Variants in DGKB observed in about 807,000 individuals in gnomAD.
The protein encoded by DGKB is diacylglycerol kinase beta.
Under a neutral mutation model 114.3 loss-of-function variants are expected in DGKB, and 67 were observed. The ratio of observed to expected loss-of-function variants is 0.59; its 90% CI spans 0.48 to 0.72. The LOEUF is 0.72. Among genes scored for constraint, DGKB ranks in the 30% least tolerant of loss-of-function variants. DGKB has a pLI of 0.00. For missense variants in DGKB, 907 were observed against 975.2 expected (o/e 0.93, Z 0.93); for synonymous variants, 398 against 323.1 (o/e 1.23, Z -2.49).
At chr7:14,806,028 A>G (rs2128063647) in intron 2 of DGKB, among the ~76,000 whole-genome samples, 1 of 151,892 alleles carries the variant, frequency 6.6e-6, no homozygotes, top group Admixed American at 6.6e-5. Context: ...GGATATTAAG[A>G]TTACAGTTCC....
At chr7:14,923,289 A>G (rs889989836) in intron 1 of DGKB, among the ~76,000 whole-genome samples, 6 of 152,026 alleles carry the variant, frequency 3.9e-5, no homozygotes, top group Non-Finnish European at 7.4e-5. Flanking sequence ...CAGGTGTTAT[A>G]TCTTCAGTTA....
chr7:14,667,198 G>C (rs1428439291), intron 13 of DGKB, among the ~76,000 whole-genome samples: 1 of 151,942 alleles, frequency 6.6e-6, no homozygotes, highest in Admixed American at 6.6e-5. Flanking sequence ...GGGAGGAATG[G>C]GAAGGCTGAG....
intron 21 of DGKB, among the ~76,000 whole-genome samples, chr7:14,451,849 G>A (rs1831566549): frequency 6.6e-6 from 1 of 152,028 alleles, no homozygotes; most frequent in South Asian, 2.1e-4. Flanking sequence ...TCACCAGTAA[G>A]AGTGGCCACT....
chr7:14,390,223 C>A, intron 21 of DGKB, among the ~76,000 whole-genome samples: 1 of 152,256 alleles, frequency 6.6e-6, no homozygotes, highest in Middle Eastern at 3.4e-3. Flanking sequence ...TATTTAAATA[C>A]TCCTGTGATT....
chr7:14,468,957 A>C (rs1780883933), intron 21 of DGKB, among the ~76,000 whole-genome samples: 1 of 152,108 alleles, frequency 6.6e-6, no homozygotes, highest in East Asian at 1.9e-4. Flanking sequence ...GAAAATATTT[A>C]AAATATTTGC....
At chr7:14,616,679 T>C (rs779578899) in intron 15 of DGKB, among the ~76,000 whole-genome samples, 1 of 151,772 alleles carries the variant, frequency 6.6e-6, no homozygotes, top group East Asian at 1.9e-4. Flanking sequence ...GATGACTTCC[T>C]AGTTGATTTG....
upstream of DGKB, chr7:14,903,293 C>T (rs1300166223): frequency 1.3e-5 from 2 of 153,388 alleles, no homozygotes. Context: ...AGCACCAGCC[C>T]TGCCTATCTC....
At chr7:14,422,111 T>G (rs1826807973) in intron 21 of DGKB, among the ~76,000 whole-genome samples, 1 of 152,052 alleles carries the variant, frequency 6.6e-6, no homozygotes, top group Admixed American at 6.6e-5. Context: ...TTTATCAATT[T>G]GCTGAATCAT....
rs1330222270 is a variant in DGKB, at chr7:14,877,700, C to T, written c.-188+24892G>A. Among the ~76,000 whole-genome samples, 6 of 152,150 alleles carry T rather than the reference C, an allele frequency of 3.9e-5. No homozygotes were observed. In the East Asian group the frequency reaches 1.2e-3, roughly 29 times the overall value. ...CTGTTTTCAAATGTTCTGCAGAAAA[C>T]TGAGCTTGTGATAAATGCTTGAGGA... On this transcript the variant is annotated intron_variant, in intron 1 of 25. Coordinates refer to ENST00000402815, the MANE Select transcript of DGKB (RefSeq NM_001350709.2).
chr7:14,332,223 A>G (rs1478146579), intron 23 of DGKB, among the ~76,000 whole-genome samples: 1 of 152,188 alleles, frequency 6.6e-6, no homozygotes, highest in East Asian at 1.9e-4. Context: ...CACAGTCACC[A>G]TATGAGGAAG....
At chr7:14,476,997 G>T (rs147117638) in intron 21 of DGKB, among the ~76,000 whole-genome samples, 1 of 151,912 alleles carries the variant, frequency 6.6e-6, no homozygotes, top group East Asian at 1.9e-4. Context: ...TGATCTGCCC[G>T]CCTTGGCCTC....
chr7:14,392,259 G>A (rs1821439466), intron 21 of DGKB, among the ~76,000 whole-genome samples: 1 of 152,068 alleles, frequency 6.6e-6, no homozygotes, highest in African/African-American at 2.4e-5. Flanking sequence ...TATCAATAAG[G>A]TTTAATTTGC....
rs573452705 is a variant in DGKB, at chr7:14,421,170, C to T, written c.1835+56991G>A. Reference sequence around the variant, plus strand: ...CCCAGAATATTTTGTAACCAGGGCTCCTGAGCTGCTTGCTTGAGCCCGCTC... The same window carrying T: ...CCCAGAATATTTTGTAACCAGGGCTTCTGAGCTGCTTGCTTGAGCCCGCTC... On this transcript the variant is annotated intron_variant, in intron 21 of 25. Transcript: ENST00000402815. Among the ~76,000 whole-genome samples, 148 of 152,196 alleles carry T rather than the reference C, an allele frequency of 9.7e-4. 1 individual carries two copies. Among genetic ancestry groups the T allele is most frequent in the African/African-American group, 3.5e-3 (144 of 41,550 alleles).
At chr7:14,449,614 A>AT (rs1052002126) in intron 21 of DGKB, among the ~76,000 whole-genome samples, 3 of 152,054 alleles carry the variant, frequency 2.0e-5, no homozygotes, top group African/African-American at 4.8e-5. Context: ...TCAATTGCCT[A>AT]TAATATCTGC....
intron 21 of DGKB, among the ~76,000 whole-genome samples, chr7:14,378,965 G>A (rs1426992011): frequency 6.6e-6 from 1 of 151,992 alleles, no homozygotes. Context: ...GATTTGGATG[G>A]ATAGGAGGAA....
At chr7:14,253,510 T>A (rs1464433842) in intron 23 of DGKB, among the ~76,000 whole-genome samples, 1 of 152,226 alleles carries the variant, frequency 6.6e-6, no homozygotes, top group Non-Finnish European at 1.5e-5. Context: ...TATTGCCTAA[T>A]CTTAATAATT....
In DGKB at chr7:14,666,696, T is replaced by C. The variant is rs7811040; in HGVS notation, c.1134+6233A>G. Reference sequence around the variant, plus strand: ...AATAAGGGGAGGATTTAAGGAAATCTACCTTTGTAAACAGTTTCTGACCTC... The same window carrying C: ...AATAAGGGGAGGATTTAAGGAAATCCACCTTTGTAAACAGTTTCTGACCTC... On this transcript the variant is annotated intron_variant, in intron 13 of 25. Transcript: ENST00000402815. 7.0e-3 allele frequency among the ~76,000 whole-genome samples: 1,069 copies of C among 152,052 alleles called. 10 individuals are homozygous for C. Among genetic ancestry groups the C allele is most frequent in the African/African-American group, 0.024 (1,009 of 41,536 alleles).
chr7:14,706,422 A>G (rs1826243990), intron 6 of DGKB, among the ~76,000 whole-genome samples: 1 of 148,870 alleles, frequency 6.7e-6, no homozygotes, highest in Admixed American at 6.7e-5. Flanking sequence ...CAGAAAGTCA[A>G]CAAGGATACC....
intron 20 of DGKB, among the ~76,000 whole-genome samples, chr7:14,517,681 T>TAC (rs1396870306): frequency 6.6e-6 from 1 of 151,570 alleles, no homozygotes; most frequent in Non-Finnish European, 1.5e-5. Flanking sequence ...AAAGAAGACA[T>TAC]ACACACAGCC....
Sources: allele counts gnomAD v4.1 joint callset (sites outside exome capture counted in the v4.1 genomes callset), GRCh38; gene constraint gnomAD v4.1.1; transcripts MANE v1.5; gene names NCBI Gene and HGNC (gene_info 2026-07-23, HGNC 2026-07-21).